The following DNAH14 variants were observed in gnomAD, a reference collection of about 807,000 sequenced individuals.
DNAH14 encodes the protein dynein axonemal heavy chain 14.
In DNAH14, 478 loss-of-function variants were observed where a neutral mutation model predicts 520.9. The ratio of observed to expected loss-of-function variants is 0.92; its 90% CI spans 0.85 to 0.99. The LOEUF (loss-of-function observed/expected upper bound fraction) is 0.99, where lower values mean the gene tolerates loss of function less well. DNAH14 is among the 50% of genes least tolerant of loss of function. The probability of loss-of-function intolerance (pLI) is 0.00; values close to 1 mark genes in which losing one functional copy is unlikely to be tolerated. For missense variants in DNAH14, 4,831 were observed against 5,234.5 expected, an observed-to-expected ratio of 0.92 and a Z score of 2.38; for synonymous variants, 1,581 against 1,757.2, an observed-to-expected ratio of 0.90 and a Z score of 2.51.
intron 11 of DNAH14, chr1:225,024,380 CT>C (rs1378036340): frequency 6.8e-6 from 3 of 440,878 alleles, no homozygotes; most frequent in East Asian, 1.6e-4. Flanking sequence ...CTAAACACTA[CT>C]GTTAAAAACA....
At chr1:224,965,366 A>G (rs767175000) in intron 5 of DNAH14, among the ~76,000 whole-genome samples, 14 of 152,226 alleles carry the variant, frequency 9.2e-5, no homozygotes, top group Admixed American at 6.6e-5. Flanking sequence ...TATTTTATTC[A>G]GCTCTCCACA....
At chr1:225,164,903 T>C (rs1020481584) in intron 35 of DNAH14, among the ~76,000 whole-genome samples, 12 of 152,276 alleles carry the variant, frequency 7.9e-5, no homozygotes, top group Admixed American at 6.5e-4. Flanking sequence ...TTGTGCTCTC[T>C]CTCTCTCTTT....
At chr1:225,097,364 G>A in intron 22 of DNAH14, 125 bp downstream of exon 22, 8 of 881,770 alleles carry the variant, frequency 9.1e-6, no homozygotes, top group Non-Finnish European at 1.3e-5. Flanking sequence ...AGACATAGGG[G>A]TATAATTTGC....
intron 17 of DNAH14, among the ~76,000 whole-genome samples, chr1:225,073,468 A>G (rs955307812): frequency 7.2e-5 from 11 of 152,068 alleles, no homozygotes; most frequent in African/African-American, 2.7e-4. Flanking sequence ...CCACTTAAAG[A>G]AGCAGTCTGG....
chr1:225,055,658 G>T (rs2068966474), intron 17 of DNAH14, among the ~76,000 whole-genome samples: 1 of 151,466 alleles, frequency 6.6e-6, no homozygotes, highest in South Asian at 2.1e-4. Flanking sequence ...TTAATATTAG[G>T]TATATCTCCT....
chr1:225,317,682 A>G (rs1345226770), intron 60 of DNAH14, among the ~76,000 whole-genome samples: 4 of 152,158 alleles, frequency 2.6e-5, no homozygotes, highest in African/African-American at 9.7e-5. Flanking sequence ...GTATACTCAG[A>G]ATGAAGTTTC....
At chr1:225,369,754 A>G (rs965408229) in intron 77 of DNAH14, among the ~76,000 whole-genome samples, 1 of 152,190 alleles carries the variant, frequency 6.6e-6, no homozygotes, top group Non-Finnish European at 1.5e-5. Context: ...CATGGCCACA[A>G]AGAAAAACCT....
intron 41 of DNAH14, among the ~76,000 whole-genome samples, chr1:225,229,739 G>A (rs142518377): frequency 6.6e-6 from 1 of 151,918 alleles, no homozygotes; most frequent in African/African-American, 2.4e-5. Context: ...GGGCACAAGG[G>A]GGGAACATCA....
At chr1:225,216,309 C>A (rs902045970) in intron 41 of DNAH14, among the ~76,000 whole-genome samples, 9 of 152,194 alleles carry the variant, frequency 5.9e-5, no homozygotes, top group African/African-American at 2.2e-4. Context: ...CCCAACCTTT[C>A]TCTCTGGCTG....
At position 225,300,718 on chromosome 1, in the gene DNAH14, G is replaced by A. The variant is rs1398696995; in HGVS notation, c.8470-151G>A. On this transcript the variant is annotated intron_variant, in intron 55 of 85. Transcript: ENST00000682510. ...AGACTTTGTCTCAAAAAAAAAGGTGGGGGGTGGGGGAGATTAGCTTTAAAA... is the reference window on the plus strand; with the variant it reads ...AGACTTTGTCTCAAAAAAAAAGGTGAGGGGTGGGGGAGATTAGCTTTAAAA... The A allele has an allele frequency of 1.2e-5, 9 of 748,502 alleles. No individual in the cohort carries two copies. In the South Asian group the frequency reaches 1.4e-4, roughly 11 times the overall value. 46.4% of individuals were successfully genotyped at this position (748,502 alleles called of 1,614,324 possible).
At position 225,204,198 on chromosome 1, in the gene DNAH14, T is replaced by G. The variant is rs941784470; in HGVS notation, c.5902T>G (p.Ser1968Ala). The G allele has an allele frequency of 5.5e-6, 8 of 1,462,642 alleles. No individual in the cohort carries two copies. The highest frequency in any genetic ancestry group is 7.2e-6 in the Non-Finnish European group (8 of 1,114,420). The allele number at this position is 1,462,642 out of a possible 1,614,324, so 90.6% of individuals were successfully genotyped here. ...CATATTTTAGGTTTTCAAACTTGAT[T>G]CCTCTGATACAACAGAGACTGATGA... ...SDLSNVFKLDSSDTTETDDNI... is the reference protein window; with the variant it reads ...SDLSNVFKLDASDTTETDDNI... Residue 1968 changes from serine to alanine, a missense_variant, in exon 39 of 86, where the codon TCC becomes GCC. Physicochemically the swap from Ser to Ala is moderately conservative, Grantham distance 99. Transcript: ENST00000682510.
chr1:225,092,992 A>G (rs1383444738), intron 21 of DNAH14, among the ~76,000 whole-genome samples: 1 of 152,138 alleles, frequency 6.6e-6, no homozygotes, highest in African/African-American at 2.4e-5. Flanking sequence ...GAATAATTGA[A>G]CAGACCAGTA....
chr1:224,961,776 G>T lies in DNAH14; in HGVS notation c.367+1474G>T, dbSNP rs548112413. On this transcript the variant is annotated intron_variant, in intron 4 of 85. Transcript: ENST00000682510. Reference sequence around the variant, plus strand: ...ATGCATCCAGGAAACTGACACAGTGGCTTTATTGCAACAAATGTTGCTGTA... The same window carrying T: ...ATGCATCCAGGAAACTGACACAGTGTCTTTATTGCAACAAATGTTGCTGTA... 4.1e-4 allele frequency among the ~76,000 whole-genome samples: 62 copies of T among 152,214 alleles called. No individual in the cohort carries two copies. In the South Asian group the frequency reaches 0.01, roughly 25 times the overall value.
intron 83 of DNAH14, among the ~76,000 whole-genome samples, chr1:225,391,041 A>G (rs2095903973): frequency 6.6e-6 from 1 of 152,202 alleles, no homozygotes; most frequent in South Asian, 2.1e-4. Flanking sequence ...CAGCATTCTT[A>G]CTAGAGAAAA....
intron 78 of DNAH14, among the ~76,000 whole-genome samples, chr1:225,376,394 T>C (rs979464495): frequency 6.6e-6 from 1 of 151,958 alleles, no homozygotes; most frequent in African/African-American, 2.4e-5. Context: ...GCCAGTGCAC[T>C]CCAGCCTGGG....
At chr1:225,331,948 T>C (rs1482120966) in intron 65 of DNAH14, among the ~76,000 whole-genome samples, 1 of 138,114 alleles carries the variant, frequency 7.2e-6, no homozygotes, top group African/African-American at 2.8e-5. Flanking sequence ...ATGTCATTAG[T>C]AAAGAAAAAG....
chr1:225,002,533 A>G (rs2063842271), intron 8 of DNAH14, among the ~76,000 whole-genome samples: 1 of 152,128 alleles, frequency 6.6e-6, no homozygotes, highest in African/African-American at 2.4e-5. Flanking sequence ...TCAGTGGCAT[A>G]ACAGAATGTC....
chr1:225,240,691 C>A lies in DNAH14; in HGVS notation c.6617C>A (p.Ala2206Asp), dbSNP rs1007368159. 3.2e-5 allele frequency: 50 copies of A among 1,551,026 alleles called. No homozygotes were observed. The highest frequency in any genetic ancestry group is 4.4e-5 in the Non-Finnish European group (50 of 1,146,610). Residue 2206 changes from alanine (A) to aspartate (D), a missense_variant, in exon 43 of 86, where the codon GCT becomes GAT. By Grantham distance (126) the Ala-to-Asp change is moderately radical (BLOSUM62 -2). Coordinates refer to ENST00000682510, the MANE Select transcript of DNAH14 (RefSeq NM_001367479.1). ...VFAFTWAFGG[A>D]LNREDEHREN... is the part of the protein sequence containing the mutation. ...GCCTTTACTTGGGCATTTGGAGGAG[C>A]TTTAAACCGTGAAGATGAACACAGA...
chr1:225,399,007 C>G, intron 85 of DNAH14, 47 bp from the exon 86 acceptor site: 2 of 1,347,244 alleles, frequency 1.5e-6, no homozygotes, highest in South Asian at 2.6e-5. Flanking sequence ...GCTACTGATT[C>G]ACTTGAACTA....
Sources: gnomAD v4.1 joint callset for allele counts (sites outside exome capture counted in the v4.1 genomes callset) on GRCh38, gnomAD v4.1.1 for gene constraint, MANE v1.5 for transcripts, NCBI Gene and HGNC (gene_info 2026-07-23, HGNC 2026-07-21) for gene names.